Variants in SEPTIN4 observed in about 807,000 individuals in gnomAD.
The protein encoded by SEPTIN4 is septin-4.
Under a neutral mutation model 107.1 loss-of-function variants are expected in SEPTIN4, and 52 were observed. The ratio of observed to expected loss-of-function variants is 0.49; its 90% CI spans 0.39 to 0.61. SEPTIN4 has a LOEUF of 0.61. Ranked by LOEUF, SEPTIN4 falls within the 20% of genes least tolerant of loss-of-function variation. The pLI is 0.00. For synonymous variants in SEPTIN4, 417 were observed against 467.0 expected (o/e 0.89, Z 1.38); for missense variants, 1,048 against 1,243.5 (o/e 0.84, Z 2.36).
chr17:58,521,680 G>T lies in SEPTIN4; in HGVS notation c.2470-34C>A. 1 of 1,614,170 alleles carries T rather than the reference G, an allele frequency of 6.2e-7. No individual in the cohort carries two copies. The highest frequency in any genetic ancestry group is 8.5e-7 in the Non-Finnish European group (1 of 1,180,036). On this transcript the variant is annotated intron_variant, in intron 9 of 13. Coordinates refer to ENST00000672673, the MANE Select transcript of SEPTIN4 (RefSeq NM_001368771.2). The surrounding 1 kb of genome is among the most constrained non-coding windows in gnomAD (Gnocchi z 6.4). Reference sequence around the variant, plus strand: ...CAGATGAGGGGCCCACAGTTCTGGGGACCACATCCTTTCTAGAAGCCCACC... The same window carrying T: ...CAGATGAGGGGCCCACAGTTCTGGGTACCACATCCTTTCTAGAAGCCCACC...
chr17:58,531,974 C>T (rs967964266), intron 3 of SEPTIN4: 6 of 1,146,072 alleles, frequency 5.2e-6, no homozygotes, highest in African/African-American at 3.3e-5. Context: ...GGCTGCAGCC[C>T]GGGCGGGGCC....
chr17:58,528,550 G>A (rs2043171288), intron 3 of SEPTIN4: 1 of 156,682 alleles, frequency 6.4e-6, no homozygotes, highest in Non-Finnish European at 1.4e-5. Context: ...GTCTATGCCT[G>A]CTGTCCTGGC....
At chr17:58,529,536 G>T in intron 3 of SEPTIN4, 1 of 658,822 alleles carries the variant, frequency 1.5e-6, no homozygotes, top group Non-Finnish European at 1.9e-6. Context: ...ATGTCTGTTT[G>T]CAGCCAGGCT....
chr17:58,543,853 G>T lies in SEPTIN4; in HGVS notation c.334C>A (p.Leu112Met). 6.2e-7 allele frequency: 1 copy of T among 1,614,202 alleles called. No homozygotes were observed. The highest frequency in any genetic ancestry group is 8.5e-7 in the Non-Finnish European group (1 of 1,180,038). Residue 112 changes from leucine to methionine, a missense_variant, in exon 1 of 14, where the codon CTG becomes ATG. Physicochemically the swap from Leu to Met is conservative, Grantham distance 15 (BLOSUM62 2). Transcript: ENST00000672673. Reference protein sequence around the residue: ...PHLKSQKTQTLASHASSRQWK... With the variant: ...PHLKSQKTQTMASHASSRQWK... Reference sequence around the variant, plus strand: ...TGTCTGCTTGAAGCATGGGAAGCCAGTGTCTGAGTCTTCTGGCTCTTTAGA... The same window carrying T: ...TGTCTGCTTGAAGCATGGGAAGCCATTGTCTGAGTCTTCTGGCTCTTTAGA...
intron 6 of SEPTIN4, 167 bp from the exon 7 acceptor site, chr17:58,525,368 C>T: frequency 2.6e-6 from 2 of 784,266 alleles, no homozygotes; most frequent in Non-Finnish European, 4.0e-6. Context: ...GCAAGGAGTA[C>T]ATTTCCCAAC....
At chr17:58,528,935 G>A (rs569280882) in intron 3 of SEPTIN4, among the ~76,000 whole-genome samples, 1 of 152,330 alleles carries the variant, frequency 6.6e-6, no homozygotes, top group South Asian at 2.1e-4. Flanking sequence ...CATCCGCATG[G>A]AGGGGGCCAC....
At position 58,526,715 on chromosome 17, in the gene SEPTIN4, T is replaced by C. The variant is rs913961635; in HGVS notation, c.1878A>G (p.Pro626=). ...PLSPSARPRS[P]WGKLDPYDSS... ...AATCATAGGGATCAAGCTTGCCCCA[T>C]GGGCTGCGGGGCCTGGCAGATGGGC... The change falls in exon 4 of 14, where the codon CCA becomes CCG. Residue 626 remains proline, a synonymous_variant. Transcript: ENST00000672673. 1 of 1,601,958 alleles carries C rather than the reference T, an allele frequency of 6.2e-7. No individual in the cohort carries two copies. Among genetic ancestry groups the C allele is most frequent in the South Asian group, 1.1e-5 (1 of 89,702 alleles).
At chr17:58,529,452 C>T (rs2043269875) in intron 3 of SEPTIN4, 3 of 1,347,738 alleles carry the variant, frequency 2.2e-6, no homozygotes, top group South Asian at 3.2e-5. Context: ...CTCTGCAGTC[C>T]CCTCCTCCTC....
intron 7 of SEPTIN4, among the ~76,000 whole-genome samples, chr17:58,522,563 G>A (rs767383384): frequency 1.2e-4 from 18 of 151,054 alleles, no homozygotes; most frequent in Non-Finnish European, 1.8e-4. Context: ...TCAGGAGTCC[G>A]AGGCAGGAGA....
Position 58,521,967 on chromosome 17 carries a change from C to T in SEPTIN4, c.2351G>A (p.Gly784Glu). 6.2e-7 allele frequency: 1 copy of T among 1,614,228 alleles called. No homozygotes were observed. Among genetic ancestry groups the T allele is most frequent in the Non-Finnish European group, 8.5e-7 (1 of 1,180,040 alleles). Residue 784 changes from glycine to glutamate, a missense_variant and splice_region_variant, in exon 8 of 14, where the codon GGG becomes GAG. By Grantham distance (98) the Gly-to-Glu change is moderately conservative. Coordinates refer to ENST00000672673, the MANE Select transcript of SEPTIN4 (RefSeq NM_001368771.2). This position sits in a 1 kb window ranked among gnomAD's most constrained non-coding sequence, Gnocchi z 6.4. ...CAGGAGCCTCAGGCTTGGACCATACCCATGGCCGAAGGGTGAGATGAAGTA... is the reference window on the plus strand; with the variant it reads ...CAGGAGCCTCAGGCTTGGACCATACTCATGGCCGAAGGGTGAGATGAAGTA... Reference protein sequence around the residue: ...CLYFISPFGHGLRPLDVEFMK... With the variant: ...CLYFISPFGHELRPLDVEFMK...
At chr17:58,539,152 G>A (rs763087326) in intron 3 of SEPTIN4, 3 of 1,534,832 alleles carry the variant, frequency 2.0e-6, no homozygotes, top group East Asian at 4.9e-5. Flanking sequence ...AGCTGCTTGG[G>A]AGCCTTCTTT....
intron 3 of SEPTIN4, chr17:58,527,255 T>C: frequency 1.6e-6 from 1 of 644,182 alleles, no homozygotes. Context: ...TCTTGGGAAC[T>C]AAGGAACTCC....
chr17:58,526,180 G>T, intron 5 of SEPTIN4, 40 bp downstream of exon 5: 2 of 1,535,552 alleles, frequency 1.3e-6, no homozygotes, highest in South Asian at 1.3e-5. Context: ...ATCCCCACCT[G>T]AAACACACCC....
chr17:58,543,047 T>A lies in SEPTIN4; in HGVS notation c.1140A>T (p.Pro380=). 1 of 1,610,642 alleles carries A rather than the reference T, an allele frequency of 6.2e-7. No individual in the cohort carries two copies. Among genetic ancestry groups the A allele is most frequent in the Non-Finnish European group, 8.5e-7 (1 of 1,178,696 alleles). Reference sequence around the variant, plus strand: ...GTCCTTGGGACATGTAAGTAATTTCTGGGGGTTTTTGGGTTTGCTGTTTAT... The same window carrying A: ...GTCCTTGGGACATGTAAGTAATTTCAGGGGGTTTTTGGGTTTGCTGTTTAT... The part of the protein sequence containing the change: ...PIYKQQTQKP[P]EITYMSQGPT... The change falls in exon 1 of 14, where the codon CCA becomes CCT. Residue 380 remains proline, a synonymous_variant. Transcript: ENST00000672673.
intron 3 of SEPTIN4, chr17:58,531,846 C>T: frequency 1.0e-6 from 1 of 997,364 alleles, no homozygotes; most frequent in African/African-American, 1.7e-5. Flanking sequence ...CGGCGCCTCC[C>T]ACCCTGCACA....
At chr17:58,534,399 T>C (rs1490255368) in intron 3 of SEPTIN4, among the ~76,000 whole-genome samples, 1 of 152,200 alleles carries the variant, frequency 6.6e-6, no homozygotes, top group Non-Finnish European at 1.5e-5. Flanking sequence ...TTTCCCCCAC[T>C]GAAAGAGAAG....
intron 3 of SEPTIN4, chr17:58,532,005 C>G: frequency 4.4e-6 from 5 of 1,138,434 alleles, no homozygotes; most frequent in East Asian, 4.5e-5. Flanking sequence ...GGACAGCGCC[C>G]GAGCGACCCG....
intron 3 of SEPTIN4, chr17:58,529,371 C>T (rs1470112995): frequency 5.5e-6 from 8 of 1,444,488 alleles, no homozygotes; most frequent in Non-Finnish European, 7.3e-6. Flanking sequence ...CTTCCCCACC[C>T]CTCTTCTCCT....
At chr17:58,527,999 A>G (rs11870671) in intron 3 of SEPTIN4, 368,359 of 985,146 alleles carry the variant, frequency 0.37, 69,359 homozygotes, top group East Asian at 0.51. Flanking sequence ...GACCCTAAAG[A>G]TTCTCCTCTC....
Sources: allele counts gnomAD v4.1 joint callset (sites outside exome capture counted in the v4.1 genomes callset), GRCh38; gene constraint gnomAD v4.1.1; non-coding constraint Gnocchi (gnomAD v3.1); transcripts MANE v1.5; gene names NCBI Gene and HGNC (gene_info 2026-07-23, HGNC 2026-07-21).